STAG3: variants seen among roughly 807,000 people sequenced by gnomAD.
STAG3 encodes the protein STAG3 cohesin complex component, also known as cohesin subunit SA-3.
Under a neutral mutation model 160.7 loss-of-function variants are expected in STAG3, and 101 were observed. The observed-to-expected ratio is 0.63, with a 90% CI of 0.54 to 0.74. The LOEUF is 0.74. Among genes scored for constraint, STAG3 ranks in the 30% least tolerant of loss-of-function variants. STAG3 has a pLI of 0.00. For missense variants in STAG3, 1,188 were observed against 1,517.4 expected (o/e 0.78, Z 3.61); for synonymous variants, 519 against 585.0 (o/e 0.89, Z 1.63).
chr7:100,202,320 A>G lies in STAG3; in HGVS notation c.2543A>G (p.Gln848Arg). 1 of 1,614,148 alleles carries G rather than the reference A, an allele frequency of 6.2e-7. No homozygotes were observed. The highest frequency in any genetic ancestry group is 1.3e-5 in the African/African-American group (1 of 75,016). ...TTCCTCATGGACCACGTCTTCATCC[A>G]GCCGGGAGACCTGGGCAGTGGTGCA... is the stretch of plus-strand genomic sequence containing the variant. Reference protein sequence around the residue: ...ASFLMDHVFIQPGDLGSGDSQ... With the variant: ...ASFLMDHVFIRPGDLGSGDSQ... Residue 848 changes from glutamine to arginine, a missense_variant, in exon 24 of 34, where the codon CAG (glutamine) becomes CGG (arginine). By Grantham distance (43) the Gln-to-Arg change is conservative. Around this residue, in one of 4 missense-constraint regions of STAG3, gnomAD observed 647 missense variants for 717.2 expected, o/e 0.90. Coordinates refer to ENST00000615138, the MANE Select transcript of STAG3 (RefSeq NM_001282717.2).
At chr7:100,216,446 A>G (rs1184603558), downstream of STAG3, among the ~76,000 whole-genome samples, 1 of 152,252 alleles carries the variant, frequency 6.6e-6, no homozygotes, top group East Asian at 1.9e-4. Flanking sequence ...AAAAGGGCTT[A>G]GAGCAAAGTG....
Position 100,180,393 on chromosome 7 carries a change from C to T in STAG3, c.-64-100C>T, listed in dbSNP as rs1799563460. On this transcript the variant is annotated intron_variant, in intron 1 of 33. Transcript: ENST00000615138. Reference sequence around the variant, plus strand: ...AGTTTTTGGTCCCCCTCACCTGACCCCAGAGTTCTAGAACCATTCCCTTGG... The same window carrying T: ...AGTTTTTGGTCCCCCTCACCTGACCTCAGAGTTCTAGAACCATTCCCTTGG... 6.6e-6 allele frequency: 4 copies of T among 604,086 alleles called. 1 individual carries two copies. In the Admixed American group the frequency reaches 1.1e-4, roughly 17 times the overall value. The allele number at this position is 604,086 out of a possible 1,614,324, so 37.4% of individuals were successfully genotyped here.
intron 25 of STAG3, among the ~76,000 whole-genome samples, chr7:100,203,806 A>G (rs1801377823): frequency 6.6e-6 from 1 of 152,032 alleles, no homozygotes; most frequent in African/African-American, 2.4e-5. Context: ...GAGCCACTGC[A>G]CCCGGCCTTA....
chr7:100,213,556 G>A, intron 32 of STAG3, 179 bp from the exon 33 acceptor site: 5 of 985,424 alleles, frequency 5.1e-6, no homozygotes, highest in Non-Finnish European at 6.0e-6. Flanking sequence ...AGGCCAAGAA[G>A]CGCTCTGCAG....
chr7:100,197,889 G>C lies in STAG3; in HGVS notation c.1164+13G>C. On this transcript the variant is annotated intron_variant, in intron 11 of 33. Transcript: ENST00000615138. The stretch of plus-strand genomic sequence containing the variant: ...CAGCCGCTTCAAGGTAAAATGGGTG[G>C]TGCTCCATGGCTTGGCTCTTTGTCG... 1 of 1,610,288 alleles carries C rather than the reference G, an allele frequency of 6.2e-7. No homozygotes were observed. Among genetic ancestry groups the C allele is most frequent in the Non-Finnish European group, 8.5e-7 (1 of 1,176,642 alleles).
chr7:100,181,696 C>G (rs1379217292), intron 2 of STAG3, among the ~76,000 whole-genome samples: 2 of 152,014 alleles, frequency 1.3e-5, no homozygotes, highest in Non-Finnish European at 2.9e-5. Context: ...GCCTATAATC[C>G]CAACACTTTG....
intron 12 of STAG3, 132 bp downstream of exon 12, chr7:100,198,298 G>A: frequency 9.0e-7 from 1 of 1,114,768 alleles, no homozygotes; most frequent in Non-Finnish European, 1.4e-6. Context: ...GCAGTATGTT[G>A]AGGGGGTAAT....
chr7:100,194,584 C>T (rs1253213129), intron 8 of STAG3, among the ~76,000 whole-genome samples: 1 of 151,784 alleles, frequency 6.6e-6, no homozygotes. Context: ...CCCAGGAGTT[C>T]AAGACCAGCC....
At chr7:100,216,663 T>C (rs891089578), downstream of STAG3, among the ~76,000 whole-genome samples, 5 of 151,354 alleles carry the variant, frequency 3.3e-5, no homozygotes, top group African/African-American at 1.2e-4. Context: ...TAGCTGGGTG[T>C]GGTGGCATGA....
At position 100,205,104 on chromosome 7, in the gene STAG3, C is replaced by A. The variant is rs1176111021; in HGVS notation, c.3051C>A (p.Pro1017=). The stretch of plus-strand genomic sequence containing the variant: ...TGGAGCTCCTTTCAGAGTTTTCCCC[C>A]CGACTCTTCCATCAGGACAAGCAGC... ...AFLELLSEFS[P]RLFHQDKQLL... The change falls in exon 28 of 34, where the codon CCC becomes CCA. Residue 1017 remains proline (P), a synonymous_variant. Transcript: ENST00000615138. 6.2e-7 allele frequency: 1 copy of A among 1,614,132 alleles called. No individual in the cohort carries two copies. The highest frequency in any genetic ancestry group is 8.5e-7 in the Non-Finnish European group (1 of 1,180,028).
intron 8 of STAG3, among the ~76,000 whole-genome samples, chr7:100,191,739 GAC>G (rs1800356771): frequency 6.6e-6 from 1 of 152,188 alleles, no homozygotes; most frequent in Non-Finnish European, 1.5e-5. Context: ...CTTGAAATAA[GAC>G]AACAGTGAAG....
chr7:100,195,237 T>A, intron 8 of STAG3, 72 bp from the exon 9 acceptor site: 1 of 1,382,080 alleles, frequency 7.2e-7, no homozygotes, highest in Non-Finnish European at 1.0e-6. Flanking sequence ...AAGTTGTAGT[T>A]TTTCTGTATC....
intron 6 of STAG3, 114 bp from the exon 7 acceptor site, chr7:100,188,698 G>A: frequency 8.3e-7 from 1 of 1,207,196 alleles, no homozygotes; most frequent in South Asian, 1.3e-5. Context: ...AGAATACCAG[G>A]AAATGAGGTA....
chr7:100,188,080 C>G lies in STAG3; in HGVS notation c.434-373C>G, dbSNP rs1019597723. Among the ~76,000 whole-genome samples, 12 of 152,136 alleles carry G rather than the reference C, an allele frequency of 7.9e-5. No individual in the cohort carries two copies. The East Asian group carries it at 1.7e-3, about 22-fold the overall frequency. On this transcript the variant is annotated intron_variant, in intron 5 of 33. Transcript: ENST00000615138. The stretch of plus-strand genomic sequence containing the variant: ...TGGCCTGCATCTTCTTTAGGCCGTT[C>G]TTGTTGTGCTTCTTGGCAAAGCACA...
At chr7:100,179,643 T>C (rs1289315463) in intron 1 of STAG3, among the ~76,000 whole-genome samples, 1 of 152,166 alleles carries the variant, frequency 6.6e-6, no homozygotes, top group African/African-American at 2.4e-5. Context: ...TGTGACTTCC[T>C]CAGCTTTTGG....
At chr7:100,208,135 T>C (rs1428745839) in intron 29 of STAG3, among the ~76,000 whole-genome samples, 1 of 152,016 alleles carries the variant, frequency 6.6e-6, no homozygotes, top group Non-Finnish European at 1.5e-5. Flanking sequence ...AAAAAAGTTA[T>C]AGTTTTAGCT....
In STAG3 at chr7:100,186,182, T is replaced by C. The variant is rs192001307; in HGVS notation, c.337-18T>C. The C allele has an allele frequency of 8.9e-4, 1,421 of 1,603,234 alleles. 4 individuals carry two copies. The highest frequency in any genetic ancestry group is 2.2e-3 in the Admixed American group (131 of 59,978). On this transcript the variant is annotated intron_variant, in intron 4 of 33. Transcript: ENST00000615138. ...CATATTGCCAGAAACAGAAGTCATC[T>C]ACATTTTTTTTCCCTAGTCTTTGGT...
chr7:100,178,574 C>CTTTTTTTTTTTTTTTTTTTTTTT (rs572856194), intron 1 of STAG3, among the ~76,000 whole-genome samples: 1 of 134,976 alleles, frequency 7.4e-6, no homozygotes, highest in African/African-American at 2.7e-5. Flanking sequence ...CCTTGCTTGG[C>CTTTTTTTTTTTTTTTTTTTTTTT]TTTTTTTTTT....
intron 2 of STAG3, 134 bp downstream of exon 2, chr7:100,180,806 C>T (rs1318121040): frequency 4.7e-6 from 3 of 632,860 alleles, no homozygotes; most frequent in African/African-American, 3.6e-5. Context: ...AGCACAGTGA[C>T]ACCCTCCCTC....
Sources: allele counts gnomAD v4.1 joint callset (sites outside exome capture counted in the v4.1 genomes callset), GRCh38; gene constraint gnomAD v4.1.1; regional missense constraint gnomAD v4.1.1; transcripts MANE v1.5; gene names NCBI Gene and HGNC (gene_info 2026-07-23, HGNC 2026-07-21).